KATNAL1: variants seen among roughly 807,000 people sequenced by gnomAD.
KATNAL1 encodes katanin p60 ATPase-containing subunit A-like 1.
In KATNAL1, 32 loss-of-function variants were observed where a neutral mutation model predicts 55.2. The observed-to-expected ratio is 0.58, with a 90% CI of 0.44 to 0.78. The LOEUF is 0.78. Ranked by LOEUF, KATNAL1 falls within the 30% of genes least tolerant of loss-of-function variation. The pLI, the probability that KATNAL1 is intolerant of heterozygous loss-of-function variation, is 0.00. For synonymous variants in KATNAL1, 193 were observed against 193.6 expected, an observed-to-expected ratio of 1.00 and a Z score of 0.02; for missense variants, 466 against 600.9, an observed-to-expected ratio of 0.78 and a Z score of 2.35.
chr13:30,296,258 G>A (rs1566135525), intron 1 of KATNAL1: 4 of 1,173,308 alleles, frequency 3.4e-6, no homozygotes, highest in South Asian at 3.0e-5. Context: ...AGGGAAGTAC[G>A]TGGTCCTCTT....
chr13:30,272,556 G>A (rs1381401152), intron 3 of KATNAL1, among the ~76,000 whole-genome samples: 2 of 151,998 alleles, frequency 1.3e-5, no homozygotes, highest in Non-Finnish European at 2.9e-5. Flanking sequence ...ACGTGTTATG[G>A]CTTCATTCTG....
intron 3 of KATNAL1, among the ~76,000 whole-genome samples, chr13:30,276,035 A>C (rs1449054329): frequency 6.6e-6 from 1 of 152,218 alleles, no homozygotes; most frequent in African/African-American, 2.4e-5. Context: ...ATAAGCCTAC[A>C]TGTAAACTAT....
chr13:30,218,228 A>ATATATATG (rs1555258844), intron 9 of KATNAL1, among the ~76,000 whole-genome samples: 1 of 83,146 alleles, frequency 1.2e-5, no homozygotes, highest in African/African-American at 4.2e-5. Context: ...ATATATATAT[A>ATATATATG]AAGGACCTGA....
At chr13:30,303,813 G>A (rs987402597) in intron 1 of KATNAL1, among the ~76,000 whole-genome samples, 5 of 151,988 alleles carry the variant, frequency 3.3e-5, no homozygotes, top group Admixed American at 2.0e-4. Flanking sequence ...TAGCATTAAC[G>A]GAAGCTTCAT....
At chr13:30,234,892 T>C (rs75780055) in intron 6 of KATNAL1, among the ~76,000 whole-genome samples, 4 of 152,142 alleles carry the variant, frequency 2.6e-5, no homozygotes, top group Non-Finnish European at 4.4e-5. Context: ...GTTATCACAA[T>C]AGGCCCTGAA....
intron 4 of KATNAL1, among the ~76,000 whole-genome samples, chr13:30,244,813 T>C (rs1242945858): frequency 6.6e-6 from 1 of 151,950 alleles, no homozygotes; most frequent in Non-Finnish European, 1.5e-5. Context: ...AATGGATAAA[T>C]TCCTGGACAC....
intron 4 of KATNAL1, among the ~76,000 whole-genome samples, chr13:30,244,296 T>C (rs973909423): frequency 6.6e-6 from 1 of 152,220 alleles, no homozygotes; most frequent in Non-Finnish European, 1.5e-5. Flanking sequence ...TTCCATGGTA[T>C]ATGTGCCACA....
intron 9 of KATNAL1, among the ~76,000 whole-genome samples, chr13:30,217,094 A>C (rs763589236): frequency 6.6e-6 from 1 of 152,186 alleles, no homozygotes; most frequent in Non-Finnish European, 1.5e-5. Flanking sequence ...GTGGGGAACA[A>C]GTAACTTAAA....
intron 9 of KATNAL1, among the ~76,000 whole-genome samples, chr13:30,219,395 T>C (rs1874625135): frequency 6.6e-6 from 1 of 152,180 alleles, no homozygotes; most frequent in African/African-American, 2.4e-5. Flanking sequence ...TGCAACTTCC[T>C]CCATGAAGTC....
chr13:30,286,969 A>G (rs906118652), intron 1 of KATNAL1, among the ~76,000 whole-genome samples: 1 of 152,184 alleles, frequency 6.6e-6, no homozygotes, highest in Non-Finnish European at 1.5e-5. Context: ...CCTTTGTTTT[A>G]GCCAATTTCT....
chr13:30,250,713 T>G (rs1878216715), intron 4 of KATNAL1, among the ~76,000 whole-genome samples: 1 of 152,252 alleles, frequency 6.6e-6, no homozygotes, highest in South Asian at 2.1e-4. Context: ...TTAACAACTT[T>G]AAAATGAATT....
In KATNAL1 at chr13:30,203,099, G is replaced by C. The variant is rs1872829711; in HGVS notation, c.*5441C>G. On this transcript the variant is annotated 3_prime_UTR_variant, in exon 11 of 11. Coordinates refer to ENST00000380615, the MANE Select transcript of KATNAL1 (RefSeq NM_032116.5). ...CAAAACTCTAAGAAAATAGATGTGT[G>C]TTATGTTTGGAACTGCTGCTTTGAA... 6.6e-6 allele frequency: 1 copy of C among 152,188 alleles called. No homozygotes were observed. The highest frequency in any genetic ancestry group is 2.4e-5 in the African/African-American group (1 of 41,446). 9.4% of individuals were successfully genotyped at this position (152,188 alleles called of 1,614,324 possible). A position where few individuals can be genotyped will look rare whatever the true frequency, so the allele number is the denominator to read the frequency against.
At chr13:30,210,220 G>T in intron 10 of KATNAL1, 96 bp downstream of exon 10, 2 of 993,362 alleles carry the variant, frequency 2.0e-6, no homozygotes, top group Non-Finnish European at 2.8e-6. Context: ...CTGCTTTCAT[G>T]TCTAACTACA....
At chr13:30,216,706 A>T (rs1416794162) in intron 9 of KATNAL1, among the ~76,000 whole-genome samples, 2 of 152,158 alleles carry the variant, frequency 1.3e-5, no homozygotes, top group Non-Finnish European at 2.9e-5. Flanking sequence ...GAAAGGGGTG[A>T]GGGGAGGAAG....
chr13:30,277,732 C>T (rs867065673), intron 3 of KATNAL1, among the ~76,000 whole-genome samples: 1 of 151,982 alleles, frequency 6.6e-6, no homozygotes, highest in South Asian at 2.1e-4. Context: ...GCCTGTAATC[C>T]CAGCACTTTG....
At chr13:30,214,470 T>C (rs907310699) in intron 9 of KATNAL1, among the ~76,000 whole-genome samples, 1 of 152,120 alleles carries the variant, frequency 6.6e-6, no homozygotes, top group African/African-American at 2.4e-5. Flanking sequence ...GCCAAGTCAA[T>C]CCTAAGCCAA....
At chr13:30,238,264 T>A (rs915708447) in intron 6 of KATNAL1, among the ~76,000 whole-genome samples, 1 of 152,208 alleles carries the variant, frequency 6.6e-6, no homozygotes, top group African/African-American at 2.4e-5. Flanking sequence ...GCCTCATTAA[T>A]TCATTTTAAC....
In KATNAL1 at chr13:30,227,292, C is replaced by T. The variant is rs977498986; in HGVS notation, c.1147+120G>A. 5.3e-5 allele frequency: 48 copies of T among 912,200 alleles called. 1 individual carries two copies. In the South Asian group the frequency reaches 9.8e-4, roughly 19 times the overall value. The allele number at this position is 912,200 out of a possible 1,614,324, so 56.5% of individuals were successfully genotyped here. ...CTGTGGCCTGTGTTCACATCTACTA[C>T]AAATTAATTTTGTGATGCTATAAAC... On this transcript the variant is annotated intron_variant, in intron 9 of 10. Transcript: ENST00000380615.
At chr13:30,220,317 T>C (rs116826616) in intron 9 of KATNAL1, among the ~76,000 whole-genome samples, 1,531 of 151,984 alleles carry the variant, frequency 0.01, 24 homozygotes, top group African/African-American at 0.034. Context: ...CAAAGTTAGC[T>C]GGGTGTGGGG....
Sources: gnomAD v4.1 joint callset for allele counts (sites outside exome capture counted in the v4.1 genomes callset) on GRCh38, gnomAD v4.1.1 for gene constraint, MANE v1.5 for transcripts, NCBI Gene and HGNC (gene_info 2026-07-23, HGNC 2026-07-21) for gene names.